The following CD163L1 variants were observed in gnomAD, a reference collection of about 807,000 sequenced individuals.
CD163L1 encodes CD163 molecule like 1, also known as scavenger receptor cysteine-rich type 1 protein M160.
CD163L1 carries 124 observed loss-of-function variants against 165.4 expected under a neutral mutation model. The observed-to-expected ratio is 0.75, with a 90% CI of 0.65 to 0.87. CD163L1 has a LOEUF of 0.87. Ranked by LOEUF, CD163L1 falls within the 40% of genes least tolerant of loss-of-function variation. The pLI, the probability that CD163L1 is intolerant of heterozygous loss-of-function variation, is 0.00. For synonymous variants in CD163L1, 585 were observed against 662.2 expected, an observed-to-expected ratio of 0.88 and a Z score of 1.79; for missense variants, 1,525 against 1,799.9, an observed-to-expected ratio of 0.85 and a Z score of 2.76.
chr12:7,329,285 C>CTT, the CD163L1 span, among the ~76,000 whole-genome samples: 2 of 133,736 alleles, frequency 1.5e-5, no homozygotes, highest in Non-Finnish European at 3.2e-5. Flanking sequence ...TTTTCTTTTT[C>CTT]TTTTTTTTTT....
intron 5 of CD163L1, among the ~76,000 whole-genome samples, chr12:7,404,816 A>T (rs1375276203): frequency 6.6e-6 from 1 of 152,178 alleles, no homozygotes; most frequent in South Asian, 2.1e-4. Context: ...CCTGGTTGCC[A>T]GGCACATTTT....
At chr12:7,361,109 T>C (rs759886023) in intron 18 of CD163L1, among the ~76,000 whole-genome samples, 17 of 152,302 alleles carry the variant, frequency 1.1e-4, no homozygotes, top group Admixed American at 8.5e-4. Flanking sequence ...GGTATGCTTT[T>C]TGTATGTACC....
the CD163L1 span, among the ~76,000 whole-genome samples, chr12:7,332,034 A>G: frequency 6.6e-6 from 1 of 152,076 alleles, no homozygotes; most frequent in Admixed American, 6.5e-5. Flanking sequence ...AAAAACCTTG[A>G]AAAAAAATTA....
chr12:7,441,307 C>T, intron 1 of CD163L1, 61 bp from the exon 2 acceptor site: 1 of 1,195,878 alleles, frequency 8.4e-7, no homozygotes. Flanking sequence ...GTTAGATGAC[C>T]TCAATGACTT....
rs921659689 is a variant in CD163L1 at position 7,347,754 on chromosome 12, G to A, written c.*25-607C>T. 6.6e-6 allele frequency among the ~76,000 whole-genome samples: 1 copy of A among 151,756 alleles called. No homozygotes were observed. The highest frequency in any genetic ancestry group is 2.1e-4 in the South Asian group (1 of 4,816). On this transcript the variant is annotated intron_variant, in intron 4 of 4. Transcript: ENST00000539726. The surrounding 1 kb of genome is among the most constrained non-coding windows in gnomAD (Gnocchi z 4.2). ...CCACTGCACTCCAGCCTGGGTGACA[G>A]AGCGAGACTCCGTCTCAAAAAAAAA...
At chr12:7,429,513 G>A (rs770948030) in intron 4 of CD163L1, among the ~76,000 whole-genome samples, 1 of 152,126 alleles carries the variant, frequency 6.6e-6, no homozygotes, top group South Asian at 2.1e-4. Context: ...CCTCAAAAAT[G>A]TTCCAACACT....
chr12:7,405,620 C>T (rs142649134), intron 5 of CD163L1, among the ~76,000 whole-genome samples: 203 of 152,244 alleles, frequency 1.3e-3, no homozygotes, highest in Admixed American at 2.3e-3. Context: ...GTATATCGTT[C>T]CCTGCGGCAT....
chr12:7,432,436 T>C lies in CD163L1; in HGVS notation c.746A>G (p.Asp249Gly). The C allele has an allele frequency of 6.2e-7, 1 of 1,613,076 alleles. No individual in the cohort carries two copies. Among genetic ancestry groups the C allele is most frequent in the South Asian group, 1.1e-5 (1 of 90,954 alleles). The change falls in exon 4 of 20, where the codon GAT becomes GGT. Residue 249 changes from aspartate (D) to glycine (G), a missense_variant. Coordinates refer to ENST00000313599, the MANE Select transcript of CD163L1 (RefSeq NM_174941.6). This position sits in a 1 kb window ranked among gnomAD's most constrained non-coding sequence, Gnocchi z 4.2. Reference sequence around the variant, plus strand: ...CTTACCATAACAAGTTAATGTGACATCCTCATTGTGACTGCAGTCATGATT... The same window carrying C: ...CTTACCATAACAAGTTAATGTGACACCCTCATTGTGACTGCAGTCATGATT... Reference protein sequence around the residue: ...WGNHDCSHNEDVTLTCYDSSD... With the variant: ...WGNHDCSHNEGVTLTCYDSSD...
intron 6 of CD163L1, among the ~76,000 whole-genome samples, 167 bp downstream of exon 6, chr12:7,403,366 ACT>A (rs373406512): frequency 3.3e-5 from 5 of 151,546 alleles, no homozygotes; most frequent in African/African-American, 7.3e-5. Flanking sequence ...GTGAGAAGAA[ACT>A]CTCTTTTTAC....
the CD163L1 span, among the ~76,000 whole-genome samples, chr12:7,340,889 A>G: frequency 6.6e-6 from 1 of 152,332 alleles, no homozygotes; most frequent in East Asian, 1.9e-4. Context: ...AAGCCTACTC[A>G]GAATCTGAAT....
At position 7,383,148 on chromosome 12, in the gene CD163L1, T is replaced by A. The variant is rs373327192; in HGVS notation, c.2051-3850A>T. 3.9e-5 allele frequency among the ~76,000 whole-genome samples: 6 copies of A among 152,272 alleles called. No individual in the cohort carries two copies. The East Asian group carries it at 5.8e-4, about 15-fold the overall frequency. ...GCCATACAAGGACCTACATGGAGGT[T>A]TGCCCCACCTGCTACCACCTAAGCA... is the stretch of plus-strand genomic sequence containing the variant. On this transcript the variant is annotated intron_variant, in intron 8 of 19. Transcript: ENST00000313599.
At chr12:7,332,638 T>G in the CD163L1 span, among the ~76,000 whole-genome samples, 1 of 152,266 alleles carries the variant, frequency 6.6e-6, no homozygotes, top group South Asian at 2.1e-4. Flanking sequence ...TCAACATTCT[T>G]AAAGAAAAGA....
At chr12:7,438,308 C>T (rs1409358296) in intron 2 of CD163L1, among the ~76,000 whole-genome samples, 1 of 151,896 alleles carries the variant, frequency 6.6e-6, no homozygotes, top group Non-Finnish European at 1.5e-5. Context: ...AAAATATATC[C>T]ATTTTGCAAA....
At chr12:7,410,120 T>A (rs1181812863) in intron 4 of CD163L1, among the ~76,000 whole-genome samples, 1 of 151,866 alleles carries the variant, frequency 6.6e-6, no homozygotes, top group East Asian at 1.9e-4. Context: ...CACAATAGAT[T>A]AACAAAATTC....
At chr12:7,334,021 C>T in the CD163L1 span, among the ~76,000 whole-genome samples, 2 of 133,866 alleles carry the variant, frequency 1.5e-5, no homozygotes, top group African/African-American at 5.6e-5. Flanking sequence ...CAAAAAAAGT[C>T]CAGGACCAGA....
intron 18 of CD163L1, among the ~76,000 whole-genome samples, chr12:7,364,847 T>C (rs1479697607): frequency 2.0e-5 from 3 of 151,956 alleles, no homozygotes; most frequent in Non-Finnish European, 2.9e-5. Flanking sequence ...TATTGTTAAA[T>C]ACCCAAAGCA....
chr12:7,359,891 G>A (rs1432479219), intron 18 of CD163L1, among the ~76,000 whole-genome samples: 2 of 151,814 alleles, frequency 1.3e-5, no homozygotes, highest in Admixed American at 6.6e-5. Context: ...TTTAATTGTT[G>A]TTCCTCTAAA....
At chr12:7,331,338 C>T in the CD163L1 span, among the ~76,000 whole-genome samples, 3 of 152,260 alleles carry the variant, frequency 2.0e-5, no homozygotes, top group Non-Finnish European at 4.4e-5. Context: ...CTGCCTGCCT[C>T]TGTAGGCTCC....
intron 2 of CD163L1, chr12:7,439,581 A>G: frequency 1.3e-6 from 2 of 1,588,648 alleles, no homozygotes; most frequent in Non-Finnish European, 1.7e-6. Flanking sequence ...GACCGCTATC[A>G]GAGTTCGCCT....
Sources: allele counts gnomAD v4.1 joint callset (sites outside exome capture counted in the v4.1 genomes callset), GRCh38; gene constraint gnomAD v4.1.1; non-coding constraint Gnocchi (gnomAD v3.1); transcripts MANE v1.5; gene names NCBI Gene and HGNC (gene_info 2026-07-23, HGNC 2026-07-21).